Variants in ZNF536 observed in about 807,000 individuals in gnomAD.
The protein encoded by ZNF536 is zinc finger protein 536.
A neutral mutation model predicts 84.5 loss-of-function variants in ZNF536; 13 were observed. The ratio of observed to expected loss-of-function variants is 0.15; its 90% CI spans 0.10 to 0.24. The LOEUF (loss-of-function observed/expected upper bound fraction) is 0.24, where lower values mean the gene tolerates loss of function less well. ZNF536 is among the 10% of genes least tolerant of loss of function. ZNF536 has a pLI of 1.00. For synonymous variants in ZNF536, 811 were observed against 742.5 expected, an observed-to-expected ratio of 1.09 and a Z score of -1.50; for missense variants, 1,536 against 1,747.5, an observed-to-expected ratio of 0.88 and a Z score of 2.16.
chr19:30,319,092 G>A (rs368452585), intron 2 of ZNF536, among the ~76,000 whole-genome samples: 1 of 152,296 alleles, frequency 6.6e-6, no homozygotes, highest in Admixed American at 6.5e-5. Context: ...TTTCCAGATC[G>A]TAGACAAATA....
intron 1 of ZNF536, among the ~76,000 whole-genome samples, chr19:30,601,617 T>G (rs1334824419): frequency 1.3e-5 from 2 of 152,106 alleles, no homozygotes; most frequent in African/African-American, 4.8e-5. Flanking sequence ...CTCCCACAGG[T>G]GCTTAGAAAC....
chr19:30,293,260 A>C (rs978319615), intron 2 of ZNF536, among the ~76,000 whole-genome samples: 1 of 152,116 alleles, frequency 6.6e-6, no homozygotes, highest in Non-Finnish European at 1.5e-5. Context: ...CTCTCTGTCC[A>C]CCAGGATGTG....
At chr19:30,591,441 A>T (rs1316264057) in intron 1 of ZNF536, among the ~76,000 whole-genome samples, 5 of 152,224 alleles carry the variant, frequency 3.3e-5, no homozygotes, top group Non-Finnish European at 2.9e-5. Flanking sequence ...CCATGGCGGC[A>T]GGTGAGAGAG....
chr19:30,336,119 G>A (rs900075445), intron 2 of ZNF536, among the ~76,000 whole-genome samples: 9 of 152,214 alleles, frequency 5.9e-5, no homozygotes, highest in African/African-American at 2.2e-4. Flanking sequence ...AGTGCCTACT[G>A]AGCGCAGACT....
At chr19:30,396,510 A>C (rs1189886114) in intron 1 of ZNF536, among the ~76,000 whole-genome samples, 1 of 151,960 alleles carries the variant, frequency 6.6e-6, no homozygotes, top group African/African-American at 2.4e-5. Flanking sequence ...GTTTCAGGGA[A>C]GAGAGTAAGG....
At chr19:30,679,781 TA>T (rs1387287521) in intron 1 of ZNF536, among the ~76,000 whole-genome samples, 3 of 152,192 alleles carry the variant, frequency 2.0e-5, no homozygotes, top group Non-Finnish European at 4.4e-5. Flanking sequence ...GGATTTCACA[TA>T]AAAACCTGTT....
chr19:30,626,188 GAC>G (rs1301394583), intron 1 of ZNF536, among the ~76,000 whole-genome samples: 1 of 152,176 alleles, frequency 6.6e-6, no homozygotes, highest in Non-Finnish European at 1.5e-5. Context: ...ACAGGTGTCA[GAC>G]ACACACAAGA....
chr19:30,689,642 C>A (rs2051330292), intron 1 of ZNF536, among the ~76,000 whole-genome samples: 1 of 152,166 alleles, frequency 6.6e-6, no homozygotes, highest in African/African-American at 2.4e-5. Context: ...GACATGGATG[C>A]ACTTGTCATG....
intron 2 of ZNF536, among the ~76,000 whole-genome samples, chr19:30,448,281 C>T (rs1412045440): frequency 6.6e-6 from 1 of 152,172 alleles, no homozygotes; most frequent in Non-Finnish European, 1.5e-5. Flanking sequence ...ATTCAGGTTT[C>T]CCTGGGATTT....
At chr19:30,560,631 G>A (rs1026120901), downstream of ZNF536, among the ~76,000 whole-genome samples, 11 of 152,300 alleles carry the variant, frequency 7.2e-5, no homozygotes, top group African/African-American at 2.4e-4. Flanking sequence ...AGACATCTGT[G>A]ACTTAAGATG....
At chr19:30,481,028 C>CA (rs55924638) in intron 2 of ZNF536, among the ~76,000 whole-genome samples, 3,488 of 114,092 alleles carry the variant, frequency 0.031, 101 homozygotes, top group East Asian at 0.071. Context: ...GACCCTGTCT[C>CA]AAAAAAAAAA....
intron 2 of ZNF536, among the ~76,000 whole-genome samples, chr19:30,464,198 C>G (rs1175396579): frequency 6.6e-6 from 1 of 152,068 alleles, no homozygotes; most frequent in East Asian, 1.9e-4. Context: ...TTTAGCTGAC[C>G]AAGTTCTATG....
chr19:30,458,782 C>A (rs1157478557), intron 2 of ZNF536, among the ~76,000 whole-genome samples: 1 of 152,186 alleles, frequency 6.6e-6, no homozygotes, highest in East Asian at 1.9e-4. Context: ...ATCTGAGCTT[C>A]ATCGTGTCGT....
chr19:30,415,284 CCTTCTTCTT>C (rs527266201), intron 1 of ZNF536, among the ~76,000 whole-genome samples: 1 of 120,068 alleles, frequency 8.3e-6, no homozygotes, highest in Non-Finnish European at 1.7e-5. Context: ...TCCTCCTCCT[CCTTCTTCTT>C]CTTCTTCTTC....
intron 1 of ZNF536, among the ~76,000 whole-genome samples, chr19:30,377,966 T>A (rs1305195921): frequency 6.6e-6 from 1 of 152,158 alleles, no homozygotes; most frequent in Non-Finnish European, 1.5e-5. Context: ...AAGGCCACCC[T>A]CTCCAGCTGC....
intron 1 of ZNF536, among the ~76,000 whole-genome samples, chr19:30,706,149 C>T (rs564596283): frequency 1.8e-4 from 27 of 152,160 alleles, no homozygotes; most frequent in Non-Finnish European, 4.4e-5. Flanking sequence ...GCATAGGATT[C>T]ATACGTGAAA....
chr19:30,279,498 AAGAG>A (rs1273559426), intron 1 of ZNF536, among the ~76,000 whole-genome samples: 3 of 152,192 alleles, frequency 2.0e-5, no homozygotes, highest in Non-Finnish European at 4.4e-5. Flanking sequence ...TTGTCTGAGA[AAGAG>A]AGAATCACTC....
chr19:30,664,238 CT>C (rs1314833973), intron 1 of ZNF536, among the ~76,000 whole-genome samples: 2 of 149,764 alleles, frequency 1.3e-5, no homozygotes, highest in Non-Finnish European at 3.0e-5. Flanking sequence ...CTCTCTCTCT[CT>C]CTCTCTCTCT....
chr19:30,622,893 G>T (rs1310852475), intron 1 of ZNF536, among the ~76,000 whole-genome samples: 1 of 150,762 alleles, frequency 6.6e-6, no homozygotes, highest in Non-Finnish European at 1.5e-5. Context: ...CTCCAAGGCA[G>T]ACAACCTAGG....
Sources: gnomAD v4.1 joint callset for allele counts (sites outside exome capture counted in the v4.1 genomes callset) on GRCh38, gnomAD v4.1.1 for gene constraint, MANE v1.5 for transcripts, NCBI Gene and HGNC (gene_info 2026-07-23, HGNC 2026-07-21) for gene names.